The following EPS8 variants were observed in gnomAD, a reference collection of about 807,000 sequenced individuals.
EPS8 encodes the protein epidermal growth factor receptor kinase substrate 8.
Under a neutral mutation model 103.8 loss-of-function variants are expected in EPS8, and 42 were observed. The observed-to-expected ratio is 0.40, with a 90% CI of 0.32 to 0.52. The LOEUF (loss-of-function observed/expected upper bound fraction) is 0.52. Ranked by LOEUF, EPS8 falls within the 20% of genes least tolerant of loss-of-function variation. EPS8 has a pLI of 0.40. For missense variants in EPS8, 969 were observed against 1,005.1 expected, an observed-to-expected ratio of 0.96 and a Z score of 0.49; for synonymous variants, 344 against 344.6, an observed-to-expected ratio of 1.00 and a Z score of 0.02.
Position 15,622,378 on chromosome 12 carries a change from T to G in EPS8, c.2355+780A>C, listed in dbSNP as rs1455848620. Among the ~76,000 whole-genome samples, 3 of 152,172 alleles carry G rather than the reference T, an allele frequency of 2.0e-5. No homozygotes were observed. The East Asian group carries it at 5.8e-4, about 29-fold the overall frequency. On this transcript the variant is annotated intron_variant, in intron 20 of 20. Transcript: ENST00000281172. Reference sequence around the variant, plus strand: ...CAGAATGGCTACGGGGTGATACGCATGAAGTGATTTTACCCTGAATTATTT... The same window carrying G: ...CAGAATGGCTACGGGGTGATACGCAGGAAGTGATTTTACCCTGAATTATTT...
chr12:15,682,021 AAAG>A (rs1401365397), intron 2 of EPS8, among the ~76,000 whole-genome samples: 2 of 152,174 alleles, frequency 1.3e-5, no homozygotes, highest in Admixed American at 1.3e-4. Flanking sequence ...ATGTAAAATC[AAAG>A]AAGGACTAAC....
At chr12:15,665,409 G>T in intron 8 of EPS8, 1 of 225,966 alleles carries the variant, frequency 4.4e-6, no homozygotes, top group Non-Finnish European at 8.6e-6. Context: ...TCAGCTTACT[G>T]CAACCTCCGC....
At chr12:15,773,299 C>A (rs568185997) in intron 1 of EPS8, among the ~76,000 whole-genome samples, 1 of 152,114 alleles carries the variant, frequency 6.6e-6, no homozygotes, top group African/African-American at 2.4e-5. Flanking sequence ...AAATTACATT[C>A]TAATGTTATT....
rs758700255 is a variant in EPS8, at chr12:15,650,940, G to T, written c.1317C>A (p.Pro439=). ...YVPRFRNGWE[P]PMLNFMGATM... ...TGGCTCCCATAAAGTTCAGCATTGG[G>T]GGCTCCCAGCCATTGCGGAATCGTG... The change falls in exon 14 of 21, where the codon CCC becomes CCA. Residue 439 remains proline (P), a synonymous_variant. Coordinates refer to ENST00000281172, the MANE Select transcript of EPS8 (RefSeq NM_004447.6). The T allele has an allele frequency of 5.0e-6, 8 of 1,613,946 alleles. No individual in the cohort carries two copies. The highest frequency in any genetic ancestry group is 6.8e-6 in the Non-Finnish European group (8 of 1,179,968).
chr12:15,648,874 T>A (rs1019179814), intron 14 of EPS8, among the ~76,000 whole-genome samples: 9 of 152,206 alleles, frequency 5.9e-5, no homozygotes, highest in African/African-American at 2.2e-4. Context: ...CCAAGTCACC[T>A]ATGTCTTTCA....
intron 1 of EPS8, among the ~76,000 whole-genome samples, chr12:15,770,476 T>G (rs1300332473): frequency 6.6e-6 from 1 of 152,116 alleles, no homozygotes; most frequent in African/African-American, 2.4e-5. Flanking sequence ...ACTGTCTTAC[T>G]CATAATACAA....
At chr12:15,628,539 G>A (rs991977926) in intron 18 of EPS8, among the ~76,000 whole-genome samples, 2 of 152,288 alleles carry the variant, frequency 1.3e-5, no homozygotes, top group Admixed American at 1.3e-4. Flanking sequence ...AGCAACTAAA[G>A]TTTGGCATCT....
intron 14 of EPS8, among the ~76,000 whole-genome samples, chr12:15,650,579 G>T (rs576128178): frequency 3.3e-5 from 5 of 152,190 alleles, no homozygotes; most frequent in African/African-American, 1.2e-4. Context: ...CAAGGGGAGG[G>T]GTGGGGGCTG....
rs1947075490 is a variant in EPS8 at position 15,764,667 on chromosome 12, C to A, written c.-22+24494G>T. On this transcript the variant is annotated intron_variant, in intron 1 of 20. Transcript: ENST00000281172. The surrounding 1 kb of genome is among the most constrained non-coding windows in gnomAD (Gnocchi z 4.1). ...GAAATTATACTTTATCAATTTAACT[C>A]TTTTCAGTCAATAACTATGTCTGAC... is the stretch of plus-strand genomic sequence containing the variant. Among the ~76,000 whole-genome samples, 1 of 152,158 alleles carries A rather than the reference C, an allele frequency of 6.6e-6. No individual in the cohort carries two copies. The highest frequency in any genetic ancestry group is 2.4e-5 in the African/African-American group (1 of 41,430).
At chr12:15,682,591 G>A (rs1946026829) in intron 2 of EPS8, among the ~76,000 whole-genome samples, 2 of 152,100 alleles carry the variant, frequency 1.3e-5, no homozygotes, top group Admixed American at 1.3e-4. Context: ...TCAAAGCTCT[G>A]AAGTAGATTA....
intron 18 of EPS8, among the ~76,000 whole-genome samples, chr12:15,627,754 GCATAAAAGTA>G: frequency 6.6e-6 from 1 of 152,146 alleles, no homozygotes; most frequent in East Asian, 1.9e-4. Flanking sequence ...AATAGGAAAG[GCATAAAAGTA>G]CAGGAAGGGG....
rs1302205352 is a variant in EPS8 at position 15,752,913 on chromosome 12, C to T, written c.-22+36248G>A. 1.3e-5 allele frequency among the ~76,000 whole-genome samples: 2 copies of T among 152,050 alleles called. No individual in the cohort carries two copies. Among genetic ancestry groups the T allele is most frequent in the Non-Finnish European group, 2.9e-5 (2 of 68,026 alleles). On this transcript the variant is annotated intron_variant, in intron 1 of 20. Coordinates refer to ENST00000281172, the MANE Select transcript of EPS8 (RefSeq NM_004447.6). This position sits in a 1 kb window ranked among gnomAD's most constrained non-coding sequence, Gnocchi z 4.4. Reference sequence around the variant, plus strand: ...GCAAGAACCATTACTTTCCTAACAACATCAACAATATTAGTTGCATCATTT... The same window carrying T: ...GCAAGAACCATTACTTTCCTAACAATATCAACAATATTAGTTGCATCATTT...
At chr12:15,711,067 T>C (rs572013694) in intron 1 of EPS8, among the ~76,000 whole-genome samples, 108 of 150,882 alleles carry the variant, frequency 7.2e-4, no homozygotes, top group Admixed American at 1.5e-3. Context: ...TTTATTTATT[T>C]ATTTATTTAT....
chr12:15,741,573 C>A lies in EPS8; in HGVS notation c.-22+47588G>T, dbSNP rs114510491. ...GCCCCTGTCCCTGACTTTGTGAGGG[C>A]AACAAAAATACTACCAAGAGGAGAG... On this transcript the variant is annotated intron_variant, in intron 1 of 20. Coordinates refer to ENST00000281172, the MANE Select transcript of EPS8 (RefSeq NM_004447.6). 8.0e-3 allele frequency among the ~76,000 whole-genome samples: 1,216 copies of A among 152,248 alleles called. 16 individuals are homozygous for A. Among genetic ancestry groups the A allele is most frequent in the African/African-American group, 0.027 (1,136 of 41,526 alleles).
intron 13 of EPS8, among the ~76,000 whole-genome samples, chr12:15,651,485 AGATTAC>A (rs1284363890): frequency 6.6e-6 from 1 of 152,224 alleles, no homozygotes; most frequent in Non-Finnish European, 1.5e-5. Context: ...CAGCAAGTTA[AGATTAC>A]GATTTTTAAA....
intron 17 of EPS8, among the ~76,000 whole-genome samples, chr12:15,638,543 A>G (rs1053007909): frequency 7.2e-5 from 11 of 152,214 alleles, no homozygotes; most frequent in African/African-American, 2.7e-4. Flanking sequence ...TTCTACACAC[A>G]CCACTACATT....
intron 17 of EPS8, among the ~76,000 whole-genome samples, chr12:15,638,547 C>T (rs1945175854): frequency 6.6e-6 from 1 of 152,216 alleles, no homozygotes; most frequent in East Asian, 1.9e-4. Context: ...ACACACACCA[C>T]TACATTTGTA....
rs888431481 is a variant in EPS8, at chr12:15,747,685, G to A, written c.-22+41476C>T. ...ATTATCCTATTCTCCAGAATCTTCA[G>A]TGACTTGATTTCAATATAAAACAGG... On this transcript the variant is annotated intron_variant, in intron 1 of 20. Coordinates refer to ENST00000281172, the MANE Select transcript of EPS8 (RefSeq NM_004447.6). This position sits in a 1 kb window ranked among gnomAD's most constrained non-coding sequence, Gnocchi z 4.4. 6.6e-6 allele frequency among the ~76,000 whole-genome samples: 1 copy of A among 152,074 alleles called. No individual in the cohort carries two copies.
intron 15 of EPS8, among the ~76,000 whole-genome samples, chr12:15,645,387 A>G (rs1403660049): frequency 1.3e-5 from 2 of 150,718 alleles, no homozygotes; most frequent in African/African-American, 4.9e-5. Flanking sequence ...TAATAGTGTC[A>G]ACTTTTATAT....
Sources: gnomAD v4.1 joint callset for allele counts (sites outside exome capture counted in the v4.1 genomes callset) on GRCh38, gnomAD v4.1.1 for gene constraint, Gnocchi (gnomAD v3.1) non-coding constraint, MANE v1.5 for transcripts, NCBI Gene and HGNC (gene_info 2026-07-23, HGNC 2026-07-21) for gene names.